The following RYR2 variants were observed in gnomAD, a reference collection of about 807,000 sequenced individuals.
The protein encoded by RYR2 is cardiac muscle ryanodine receptor-calcium release channel.
RYR2 carries 227 observed loss-of-function variants against 601.1 expected under a neutral mutation model. The ratio of observed to expected loss-of-function variants is 0.38; its 90% CI spans 0.34 to 0.42. The LOEUF (loss-of-function observed/expected upper bound fraction) is 0.42. Among genes scored for constraint, RYR2 ranks in the 10% least tolerant of loss-of-function variants. The probability of loss-of-function intolerance (pLI) is 1.00; values close to 1 mark genes in which losing one functional copy is unlikely to be tolerated. For synonymous variants in RYR2, 2,223 were observed against 2,175.1 expected (o/e 1.02, Z -0.61); for missense variants, 4,646 against 6,156.5 (o/e 0.75, Z 8.21).
At chr1:237,318,872 C>T (rs1695347107) in intron 2 of RYR2, among the ~76,000 whole-genome samples, 1 of 151,974 alleles carries the variant, frequency 6.6e-6, no homozygotes, top group Non-Finnish European at 1.5e-5. Flanking sequence ...AAGTTTGGGG[C>T]CATTCATTAT....
intron 70 of RYR2, 78 bp from the exon 71 acceptor site, chr1:237,711,667 T>G (rs534206986): frequency 2.8e-6 from 2 of 707,636 alleles, no homozygotes; most frequent in South Asian, 1.6e-5. Flanking sequence ...CTGTAAAAAC[T>G]TGCAGGTTCT....
chr1:237,082,524 CATATATATATATATAT>C (rs71561856), intron 1 of RYR2, among the ~76,000 whole-genome samples: 40 of 80,004 alleles, frequency 5.0e-4, no homozygotes, highest in Admixed American at 1.1e-3. Context: ...AATAGGAAAA[CATATATATATATATAT>C]ATATATATAT....
At chr1:237,666,414 C>G in intron 56 of RYR2, 98 bp from the exon 57 acceptor site, 4 of 1,014,650 alleles carry the variant, frequency 3.9e-6, no homozygotes, top group Non-Finnish European at 5.9e-6. Context: ...TAAGGAAACA[C>G]TATGTTTGGA....
chr1:237,501,006 C>A, intron 21 of RYR2, 103 bp downstream of exon 21: 1 of 1,127,172 alleles, frequency 8.9e-7, no homozygotes, highest in Non-Finnish European at 1.3e-6. Flanking sequence ...CATTGTTTGT[C>A]TCTCCTGGGC....
intron 82 of RYR2, among the ~76,000 whole-genome samples, chr1:237,759,298 G>A (rs1287238255): frequency 6.6e-6 from 1 of 152,094 alleles, no homozygotes; most frequent in African/African-American, 2.4e-5. Flanking sequence ...ATGTTGGTCA[G>A]GCTGGTCTCA....
At chr1:237,148,856 G>A (rs908840201) in intron 1 of RYR2, among the ~76,000 whole-genome samples, 2 of 151,972 alleles carry the variant, frequency 1.3e-5, no homozygotes, top group African/African-American at 4.8e-5. Context: ...TTTTATTGTC[G>A]TTGGAATTGC....
intron 1 of RYR2, among the ~76,000 whole-genome samples, chr1:237,265,325 T>C (rs562816174): frequency 6.6e-5 from 10 of 151,892 alleles, no homozygotes; most frequent in Middle Eastern, 3.4e-3. Flanking sequence ...TTTTTTTGAT[T>C]GTTTGTTTGT....
chr1:237,422,894 T>G (rs1390389869), intron 11 of RYR2, among the ~76,000 whole-genome samples, 198 bp from the exon 12 acceptor site: 1 of 152,238 alleles, frequency 6.6e-6, no homozygotes, highest in Non-Finnish European at 1.5e-5. Flanking sequence ...CTATAAGCTT[T>G]GCGACTTTGT....
intron 24 of RYR2, 118 bp downstream of exon 24, chr1:237,511,909 C>T (rs1665958407): frequency 1.5e-6 from 1 of 656,806 alleles, no homozygotes; most frequent in Non-Finnish European, 2.5e-6. Flanking sequence ...TTTTTAATTC[C>T]AGCTAGAACT....
At chr1:237,803,232 C>T (rs1391251102) in intron 98 of RYR2, among the ~76,000 whole-genome samples, 1 of 152,168 alleles carries the variant, frequency 6.6e-6, no homozygotes, top group African/African-American at 2.4e-5. Context: ...CACACATGCA[C>T]CTTTGGCCCA....
chr1:237,161,324 A>T (rs939365051), intron 1 of RYR2, among the ~76,000 whole-genome samples: 1 of 147,138 alleles, frequency 6.8e-6, no homozygotes, highest in Non-Finnish European at 1.5e-5. Context: ...TGTATAAAAC[A>T]CCCCTGTCTT....
intron 21 of RYR2, 116 bp downstream of exon 21, chr1:237,501,019 C>A: frequency 1.0e-6 from 1 of 987,150 alleles, no homozygotes. Context: ...TCCTGGGCAC[C>A]TGTCCTCTGC....
rs184527312 is a variant in RYR2, at chr1:237,732,085, A to G, written c.10975A>G (p.Lys3659Glu). The G allele has an allele frequency of 2.5e-5, 40 of 1,611,640 alleles. No homozygotes were observed. Among genetic ancestry groups the G allele is most frequent in the Admixed American group, 3.3e-5 (2 of 59,850 alleles). Reference sequence around the variant, plus strand: ...ACCTCCAGAAGAAGATGAAGGCACTAAGAGAGTTGATCCTCTACATCAGCT... The same window carrying G: ...ACCTCCAGAAGAAGATGAAGGCACTGAGAGAGTTGATCCTCTACATCAGCT... ...AEPPEEDEGT[K>E]RVDPLHQLIL... is the part of the protein sequence containing the mutation. The change falls in exon 78 of 105, where the codon AAG becomes GAG. Residue 3659 changes from lysine (K) to glutamate (E), a missense_variant. Coordinates refer to ENST00000366574, the MANE Select transcript of RYR2 (RefSeq NM_001035.3).
rs1009464927 is a variant in RYR2 at position 237,182,672 on chromosome 1, G to A, written c.49-87825G>A. Among the ~76,000 whole-genome samples the A allele has an allele frequency of 9.9e-5, 15 of 152,248 alleles. No homozygotes were observed. In the South Asian group the frequency reaches 1.2e-3, roughly 13 times the overall value. Reference sequence around the variant, plus strand: ...CCATGGAAATCCTTGGCTGTAGATTGTTAGTTACAACGGTATACTAGTCCA... The same window carrying A: ...CCATGGAAATCCTTGGCTGTAGATTATTAGTTACAACGGTATACTAGTCCA... On this transcript the variant is annotated intron_variant, in intron 1 of 104. Transcript: ENST00000366574.
chr1:237,570,400 G>T (rs948727788), intron 29 of RYR2, among the ~76,000 whole-genome samples: 23 of 149,768 alleles, frequency 1.5e-4, no homozygotes, highest in African/African-American at 5.6e-4. Flanking sequence ...GTTCAGTGGC[G>T]CAATCTCAGC....
chr1:237,325,649 C>T lies in RYR2; in HGVS notation c.169-5229C>T, dbSNP rs539497245. 3.9e-5 allele frequency among the ~76,000 whole-genome samples: 6 copies of T among 152,156 alleles called. No homozygotes were observed. The South Asian group carries it at 1.2e-3, about 32-fold the overall frequency. ...CTTGCAGTGAGCCGAGATTGTACCA[C>T]TGCATTCCAGCCTGGGTAACAGGGC... On this transcript the variant is annotated intron_variant, in intron 2 of 104. Coordinates refer to ENST00000366574, the MANE Select transcript of RYR2 (RefSeq NM_001035.3).
intron 5 of RYR2, among the ~76,000 whole-genome samples, chr1:237,366,127 G>A (rs1230066088): frequency 6.6e-6 from 1 of 152,134 alleles, no homozygotes; most frequent in African/African-American, 2.4e-5. Context: ...ATACGGAAAA[G>A]GCATTAACTT....
chr1:237,561,475 T>A (rs2061836), intron 27 of RYR2, among the ~76,000 whole-genome samples: 1 of 152,014 alleles, frequency 6.6e-6, no homozygotes, highest in Admixed American at 6.6e-5. Context: ...CAGAATTAGA[T>A]GTTGAAAGGA....
At chr1:237,653,633 T>C (rs1398068650) in intron 51 of RYR2, among the ~76,000 whole-genome samples, 2 of 152,100 alleles carry the variant, frequency 1.3e-5, no homozygotes, top group Admixed American at 1.3e-4. Context: ...GGGAGTTTAT[T>C]AAGGAGTATT....
Sources: gnomAD v4.1 joint callset for allele counts (sites outside exome capture counted in the v4.1 genomes callset) on GRCh38, gnomAD v4.1.1 for gene constraint, MANE v1.5 for transcripts, NCBI Gene and HGNC (gene_info 2026-07-23, HGNC 2026-07-21) for gene names.